GRM8: variants seen among roughly 807,000 people sequenced by gnomAD.
The protein encoded by GRM8 is glutamate metabotropic receptor 8, also known as metabotropic glutamate receptor 8.
In GRM8, 47 loss-of-function variants were observed where a neutral mutation model predicts 87.2. The ratio of observed to expected loss-of-function variants is 0.54; its 90% confidence interval spans 0.43 to 0.69. GRM8 has a LOEUF of 0.69. GRM8 is among the 30% of genes least tolerant of loss of function. The pLI is 0.00. For synonymous variants in GRM8, 396 were observed against 404.5 expected, an observed-to-expected ratio of 0.98 and a Z score of 0.25; for missense variants, 1,019 against 1,139.2, an observed-to-expected ratio of 0.89 and a Z score of 1.52.
intron 6 of GRM8, among the ~76,000 whole-genome samples, chr7:126,784,113 C>A (rs1475543097): frequency 1.3e-5 from 2 of 152,138 alleles, no homozygotes; most frequent in African/African-American, 4.8e-5. Context: ...CTTTAGTGGG[C>A]TGCATCAGGA....
At chr7:126,844,987 G>A (rs939372076) in intron 6 of GRM8, among the ~76,000 whole-genome samples, 1 of 152,134 alleles carries the variant, frequency 6.6e-6, no homozygotes, top group Non-Finnish European at 1.5e-5. Context: ...CAAATAGTAA[G>A]TGGGATCCAG....
intron 3 of GRM8, among the ~76,000 whole-genome samples, chr7:127,005,907 A>T (rs1314561774): frequency 1.3e-5 from 2 of 151,816 alleles, no homozygotes; most frequent in Non-Finnish European, 2.9e-5. Flanking sequence ...TATGACCACA[A>T]ATCTTAGAAA....
intron 2 of GRM8, among the ~76,000 whole-genome samples, chr7:127,237,163 C>G (rs769030465): frequency 4.6e-5 from 7 of 152,198 alleles, no homozygotes; most frequent in Non-Finnish European, 1.0e-4. Flanking sequence ...AGTTTAAGTG[C>G]TACTTACCAG....
At chr7:126,585,445 A>T (rs1252982970) in intron 8 of GRM8, among the ~76,000 whole-genome samples, 1 of 152,190 alleles carries the variant, frequency 6.6e-6, no homozygotes, top group Non-Finnish European at 1.5e-5. Flanking sequence ...CATTTTATGG[A>T]TACTATTTAT....
intron 7 of GRM8, among the ~76,000 whole-genome samples, chr7:126,616,282 A>G (rs562770448): frequency 6.6e-6 from 1 of 152,366 alleles, no homozygotes; most frequent in African/African-American, 2.4e-5. Context: ...ACTACTGGGT[A>G]CATAACGAAA....
chr7:126,453,090 C>T (rs2150491239), intron 9 of GRM8, among the ~76,000 whole-genome samples: 1 of 150,446 alleles, frequency 6.6e-6, no homozygotes, highest in East Asian at 2.0e-4. Context: ...CACACACACA[C>T]ACACACACAC....
intron 3 of GRM8, among the ~76,000 whole-genome samples, chr7:127,044,615 C>T (rs1818756202): frequency 6.6e-6 from 1 of 151,720 alleles, no homozygotes; most frequent in African/African-American, 2.4e-5. Context: ...TGGCTTGAAA[C>T]TTCAAATCCC....
intron 3 of GRM8, among the ~76,000 whole-genome samples, chr7:127,021,332 G>T (rs760536246): frequency 7.8e-6 from 1 of 128,716 alleles, no homozygotes; most frequent in African/African-American, 2.9e-5. Context: ...GAAAGGTACT[G>T]CAGAGGGAAA....
intron 2 of GRM8, among the ~76,000 whole-genome samples, chr7:127,133,452 AC>A (rs1232490277): frequency 2.6e-5 from 4 of 151,468 alleles, no homozygotes; most frequent in African/African-American, 9.7e-5. Flanking sequence ...AAAAAAGCAA[AC>A]AAAATCCCAG....
At chr7:126,636,551 C>T (rs1337314397) in intron 7 of GRM8, among the ~76,000 whole-genome samples, 1 of 152,032 alleles carries the variant, frequency 6.6e-6, no homozygotes, top group African/African-American at 2.4e-5. Flanking sequence ...TATTTTCCAT[C>T]CATGGTTTTT....
At chr7:127,047,315 A>C (rs761432536) in intron 3 of GRM8, among the ~76,000 whole-genome samples, 1 of 152,204 alleles carries the variant, frequency 6.6e-6, no homozygotes, top group East Asian at 1.9e-4. Context: ...GATATACAGC[A>C]TATTAAACTG....
Position 127,104,014 on chromosome 7 carries a change from T to C in GRM8, c.727+2482A>G, listed in dbSNP as rs17865966. Among the ~76,000 whole-genome samples the C allele has an allele frequency of 4.5e-3, 685 of 152,304 alleles. 30 individuals carry two copies. The East Asian group carries it at 0.11, about 24-fold the overall frequency. Reference sequence around the variant, plus strand: ...AAAATGAAAAACATTCTAATCAAACTGTACAAGCAATTTATCACTAACCCA... The same window carrying C: ...AAAATGAAAAACATTCTAATCAAACCGTACAAGCAATTTATCACTAACCCA... On this transcript the variant is annotated intron_variant, in intron 3 of 10. Transcript: ENST00000339582.
intron 3 of GRM8, among the ~76,000 whole-genome samples, chr7:127,034,433 G>A (rs1817662998): frequency 6.6e-6 from 1 of 152,102 alleles, no homozygotes; most frequent in Non-Finnish European, 1.5e-5. Flanking sequence ...CTGTACTACA[G>A]GTACACTGCC....
chr7:126,462,751 C>T (rs1319173130), intron 9 of GRM8, among the ~76,000 whole-genome samples: 5 of 151,664 alleles, frequency 3.3e-5, no homozygotes, highest in East Asian at 2.0e-4. Context: ...CTTTTATTGT[C>T]GTGGAGGAAA....
chr7:126,763,966 A>G (rs1041883251), intron 7 of GRM8, among the ~76,000 whole-genome samples: 2 of 151,848 alleles, frequency 1.3e-5, no homozygotes, highest in Non-Finnish European at 2.9e-5. Flanking sequence ...ATTTATTCCA[A>G]AATATTTTAA....
At chr7:126,613,520 G>T (rs1328846551) in intron 7 of GRM8, among the ~76,000 whole-genome samples, 1 of 152,158 alleles carries the variant, frequency 6.6e-6, no homozygotes, top group Non-Finnish European at 1.5e-5. Context: ...GGGCTTGTCG[G>T]ACAGTGTGGA....
At chr7:126,704,823 A>G (rs1436862372) in intron 7 of GRM8, among the ~76,000 whole-genome samples, 2 of 152,132 alleles carry the variant, frequency 1.3e-5, no homozygotes, top group African/African-American at 4.8e-5. Flanking sequence ...ATCAATGACA[A>G]TGGTGCCCGA....
At chr7:126,660,575 C>T (rs1303817531) in intron 7 of GRM8, among the ~76,000 whole-genome samples, 2 of 152,188 alleles carry the variant, frequency 1.3e-5, no homozygotes, top group African/African-American at 2.4e-5. Context: ...TGTTTGGATA[C>T]ATGTCTACAC....
At chr7:126,601,013 G>A (rs929594829) in intron 8 of GRM8, among the ~76,000 whole-genome samples, 2 of 151,422 alleles carry the variant, frequency 1.3e-5, no homozygotes, top group Non-Finnish European at 2.9e-5. Context: ...CATGTGCCAT[G>A]CTGGTGCGCT....
Sources: allele counts gnomAD v4.1 joint callset (sites outside exome capture counted in the v4.1 genomes callset), GRCh38; gene constraint gnomAD v4.1.1; transcripts MANE v1.5; gene names NCBI Gene and HGNC (gene_info 2026-07-23, HGNC 2026-07-21).